Variants in PDE4D observed in about 807,000 individuals in gnomAD.
The protein encoded by PDE4D is 3',5'-cyclic-AMP phosphodiesterase 4D.
A neutral mutation model predicts 87.4 loss-of-function variants in PDE4D; 24 were observed. The ratio of observed to expected loss-of-function variants is 0.27; its 90% confidence interval spans 0.20 to 0.39. The LOEUF (loss-of-function observed/expected upper bound fraction) is 0.39, where lower values mean the gene tolerates loss of function less well. Among genes scored for constraint, PDE4D ranks in the 10% least tolerant of loss-of-function variants. The pLI is 1.00. For missense variants in PDE4D, 714 were observed against 1,041.0 expected (o/e 0.69, Z 4.32); for synonymous variants, 384 against 383.2 (o/e 1.00, Z -0.02).
At chr5:59,417,141 A>G (rs1793747741) in intron 1 of PDE4D, among the ~76,000 whole-genome samples, 1 of 152,164 alleles carries the variant, frequency 6.6e-6, no homozygotes, top group Admixed American at 6.5e-5. Flanking sequence ...ACAATTCTCT[A>G]TAAAAGAAAA....
intron 4 of PDE4D, 57 bp from the exon 5 acceptor site, chr5:59,180,701 ACT>A (rs763686262): frequency 6.0e-4 from 858 of 1,436,262 alleles, no homozygotes; most frequent in Non-Finnish European, 7.7e-4. Context: ...TGATTTGATC[ACT>A]CTCTGAGTCA....
chr5:59,743,104 T>C (rs1435100766), intron 1 of PDE4D, among the ~76,000 whole-genome samples: 1 of 152,194 alleles, frequency 6.6e-6, no homozygotes, highest in Non-Finnish European at 1.5e-5. Flanking sequence ...GATCAGTGAT[T>C]ATTCTATAAA....
intron 1 of PDE4D, among the ~76,000 whole-genome samples, chr5:60,440,989 T>C (rs1369257637): frequency 2.6e-5 from 4 of 152,184 alleles, no homozygotes; most frequent in African/African-American, 4.8e-5. Context: ...TCAAGATTCA[T>C]TGAAGATCTT....
intron 1 of PDE4D, among the ~76,000 whole-genome samples, chr5:60,450,177 A>C (rs970506941): frequency 5.9e-5 from 9 of 152,186 alleles, no homozygotes; most frequent in African/African-American, 2.2e-4. Context: ...CAGCTGATTC[A>C]GATACTTACC....
intron 1 of PDE4D, among the ~76,000 whole-genome samples, chr5:59,687,895 C>CA (rs1188260613): frequency 2.7e-5 from 4 of 150,940 alleles, no homozygotes; most frequent in East Asian, 3.9e-4. Context: ...ACATGGAAAA[C>CA]AAAAAAAAGG....
intron 1 of PDE4D, among the ~76,000 whole-genome samples, chr5:60,200,078 A>G (rs1385282442): frequency 6.6e-6 from 1 of 151,710 alleles, no homozygotes. Context: ...TCCTAACACT[A>G]TGAGAACAAT....
At chr5:59,012,214 A>G (rs1262494722) in intron 6 of PDE4D, among the ~76,000 whole-genome samples, 1 of 152,236 alleles carries the variant, frequency 6.6e-6, no homozygotes, top group Non-Finnish European at 1.5e-5. Context: ...AATTGTAAAG[A>G]CCATCAAGGC....
intron 1 of PDE4D, among the ~76,000 whole-genome samples, chr5:59,338,020 T>C (rs1040021093): frequency 2.0e-5 from 3 of 152,212 alleles, no homozygotes; most frequent in Non-Finnish European, 4.4e-5. Context: ...AAAAAGTTCA[T>C]AGGTTAAAAA....
At chr5:60,473,207 AAAG>A (rs1435752567) in intron 1 of PDE4D, among the ~76,000 whole-genome samples, 4 of 151,172 alleles carry the variant, frequency 2.6e-5, no homozygotes, top group Non-Finnish European at 4.4e-5. Flanking sequence ...GAAAGAAAGA[AAAG>A]AAAGAGAAAG....
intron 1 of PDE4D, among the ~76,000 whole-genome samples, chr5:59,228,192 A>G (rs537009243): frequency 6.6e-6 from 1 of 152,274 alleles, no homozygotes; most frequent in East Asian, 1.9e-4. Flanking sequence ...TATAAGTGGT[A>G]ACCAAATAAT....
intron 1 of PDE4D, among the ~76,000 whole-genome samples, chr5:59,289,732 G>A (rs1248583743): frequency 1.3e-5 from 2 of 151,742 alleles, no homozygotes; most frequent in East Asian, 3.9e-4. Context: ...AAGGAAGAAG[G>A]CAAATTATCC....
intron 1 of PDE4D, among the ~76,000 whole-genome samples, chr5:60,345,049 T>C (rs1758630653): frequency 6.6e-6 from 1 of 152,086 alleles, no homozygotes; most frequent in African/African-American, 2.4e-5. Flanking sequence ...GAGATTATAC[T>C]ATATACGTAT....
At chr5:59,762,126 G>A (rs1762045813) in intron 1 of PDE4D, among the ~76,000 whole-genome samples, 1 of 151,762 alleles carries the variant, frequency 6.6e-6, no homozygotes, top group Non-Finnish European at 1.5e-5. Flanking sequence ...GTATATATAT[G>A]TAGGTATATA....
intron 5 of PDE4D, among the ~76,000 whole-genome samples, chr5:59,169,891 T>C (rs1215951620): frequency 1.3e-5 from 2 of 152,214 alleles, no homozygotes; most frequent in African/African-American, 2.4e-5. Context: ...AGTCATTTTG[T>C]GGTTGTTCTC....
intron 1 of PDE4D, among the ~76,000 whole-genome samples, chr5:59,384,712 T>A (rs1473573910): frequency 6.6e-6 from 1 of 152,150 alleles, no homozygotes; most frequent in Non-Finnish European, 1.5e-5. Flanking sequence ...CTTTCTCAAG[T>A]CATTTTGTTT....
At chr5:59,494,434 G>A (rs1443431626) in intron 1 of PDE4D, among the ~76,000 whole-genome samples, 1 of 152,108 alleles carries the variant, frequency 6.6e-6, no homozygotes, top group Non-Finnish European at 1.5e-5. Flanking sequence ...ATGAAAATTA[G>A]ATCTGTCAAC....
chr5:59,964,549 T>G (rs191067416), intron 3 of PDE4D, among the ~76,000 whole-genome samples: 1 of 152,270 alleles, frequency 6.6e-6, no homozygotes, highest in African/African-American at 2.4e-5. Context: ...AGTCTTTACA[T>G]AGGCAATGTC....
intron 1 of PDE4D, among the ~76,000 whole-genome samples, chr5:60,298,830 C>A (rs1562299792): frequency 1.3e-5 from 2 of 152,082 alleles, no homozygotes; most frequent in African/African-American, 4.8e-5. Flanking sequence ...TGGTTTGTGT[C>A]AGCAATAACA....
intron 1 of PDE4D, among the ~76,000 whole-genome samples, chr5:59,316,166 G>A (rs948696084): frequency 2.0e-5 from 3 of 152,102 alleles, no homozygotes; most frequent in African/African-American, 7.2e-5. Context: ...ACTTGATCAA[G>A]AGGTACATGA....
Sources: allele counts gnomAD v4.1 joint callset (sites outside exome capture counted in the v4.1 genomes callset), GRCh38; gene constraint gnomAD v4.1.1; transcripts MANE v1.5; gene names NCBI Gene and HGNC (gene_info 2026-07-23, HGNC 2026-07-21).